The following THSD7A variants were observed in gnomAD, a reference collection of about 807,000 sequenced individuals.
THSD7A encodes thrombospondin type 1 domain containing 7A, also known as thrombospondin type-1 domain-containing protein 7A.
A neutral mutation model predicts 231.3 loss-of-function variants in THSD7A; 96 were observed. The ratio of observed to expected loss-of-function variants is 0.41; its 90% CI spans 0.35 to 0.49. The LOEUF (loss-of-function observed/expected upper bound fraction) is 0.49, where lower values mean the gene tolerates loss of function less well. Among genes scored for constraint, THSD7A ranks in the 20% least tolerant of loss-of-function variants. The probability of loss-of-function intolerance (pLI) is 0.05; values close to 1 mark genes in which losing one functional copy is unlikely to be tolerated. For missense variants in THSD7A, 2,290 were observed against 2,070.2 expected, an observed-to-expected ratio of 1.11 and a Z score of -2.06; for synonymous variants, 940 against 743.3, an observed-to-expected ratio of 1.26 and a Z score of -4.30.
chr7:11,571,929 T>G (rs535206565), intron 4 of THSD7A, among the ~76,000 whole-genome samples: 5 of 152,186 alleles, frequency 3.3e-5, no homozygotes, highest in African/African-American at 1.2e-4. Context: ...TTGTGGATCT[T>G]TAAGTTGATG....
chr7:11,666,718 A>C (rs914481871), intron 1 of THSD7A, among the ~76,000 whole-genome samples: 6 of 150,972 alleles, frequency 4.0e-5, no homozygotes, highest in Admixed American at 3.3e-4. Context: ...ATATAGTATA[A>C]ATTTTATTTA....
chr7:11,769,133 A>T (rs1562541155), intron 1 of THSD7A, among the ~76,000 whole-genome samples: 1 of 35,744 alleles, frequency 2.8e-5, no homozygotes, highest in Non-Finnish European at 6.2e-5. Flanking sequence ...ATATATATAT[A>T]TATATATATA....
intron 1 of THSD7A, among the ~76,000 whole-genome samples, chr7:11,819,047 C>G (rs1784793007): frequency 6.6e-6 from 1 of 152,020 alleles, no homozygotes; most frequent in Non-Finnish European, 1.5e-5. Context: ...AGATCTATCA[C>G]CAAAGAATAT....
At chr7:11,609,279 T>C (rs367880331) in intron 2 of THSD7A, among the ~76,000 whole-genome samples, 1 of 152,198 alleles carries the variant, frequency 6.6e-6, no homozygotes. Context: ...TCTTTACAGC[T>C]CCTGGATCCC....
At chr7:11,806,976 A>G (rs2128183123) in intron 1 of THSD7A, among the ~76,000 whole-genome samples, 1 of 152,144 alleles carries the variant, frequency 6.6e-6, no homozygotes, top group South Asian at 2.1e-4. Context: ...GTAGACTGAA[A>G]TCAATCTCTC....
chr7:11,520,312 A>C (rs1788209348), intron 6 of THSD7A: 1 of 152,166 alleles, frequency 6.6e-6, no homozygotes, highest in Non-Finnish European at 1.5e-5. Flanking sequence ...AATCCTTTGG[A>C]GGGCTGTTAC....
intron 1 of THSD7A, among the ~76,000 whole-genome samples, chr7:11,666,976 C>G (rs2128375981): frequency 6.6e-6 from 1 of 152,092 alleles, no homozygotes; most frequent in South Asian, 2.1e-4. Flanking sequence ...GAATAGCACT[C>G]TTTAGTTTTT....
chr7:11,466,105 T>C (rs1280085505), intron 9 of THSD7A, among the ~76,000 whole-genome samples: 1 of 152,158 alleles, frequency 6.6e-6, no homozygotes, highest in South Asian at 2.1e-4. Context: ...TGCAATAGTA[T>C]TGTGTATTTG....
chr7:11,706,188 C>T (rs1292736208), intron 1 of THSD7A, among the ~76,000 whole-genome samples: 1 of 150,946 alleles, frequency 6.6e-6, no homozygotes, highest in African/African-American at 2.4e-5. Context: ...TGTGCTGCTA[C>T]AAAGGCACCA....
At chr7:11,750,122 T>C (rs1452910821) in intron 1 of THSD7A, among the ~76,000 whole-genome samples, 1 of 151,864 alleles carries the variant, frequency 6.6e-6, no homozygotes, top group Non-Finnish European at 1.5e-5. Context: ...CACAATTCTG[T>C]ATGCCATTTT....
chr7:11,391,487 G>A (rs554237958), intron 23 of THSD7A, among the ~76,000 whole-genome samples: 12 of 151,892 alleles, frequency 7.9e-5, no homozygotes, highest in African/African-American at 2.9e-4. Context: ...CTGCTGTGCT[G>A]GCAGCGAGAA....
At chr7:11,643,337 A>G (rs1002719182) in intron 1 of THSD7A, among the ~76,000 whole-genome samples, 5 of 152,076 alleles carry the variant, frequency 3.3e-5, no homozygotes, top group African/African-American at 9.7e-5. Flanking sequence ...CAAAATTTCT[A>G]TTTGTTTTTA....
At chr7:11,600,609 C>G (rs1421819516) in intron 2 of THSD7A, among the ~76,000 whole-genome samples, 3 of 152,092 alleles carry the variant, frequency 2.0e-5, no homozygotes, top group South Asian at 2.1e-4. Context: ...TGTAGTTTAA[C>G]TCTTGCGCAT....
intron 1 of THSD7A, among the ~76,000 whole-genome samples, chr7:11,713,163 G>GC (rs1344178079): frequency 1.3e-5 from 2 of 151,180 alleles, no homozygotes; most frequent in African/African-American, 4.8e-5. Flanking sequence ...GCACATTGCT[G>GC]CCAAACCAGT....
At chr7:11,702,791 G>C (rs145446106) in intron 1 of THSD7A, among the ~76,000 whole-genome samples, 65 of 151,218 alleles carry the variant, frequency 4.3e-4, no homozygotes, top group African/African-American at 1.0e-3. Flanking sequence ...TCAAAGTATT[G>C]TATGTATTTA....
At chr7:11,820,264 C>T in intron 1 of THSD7A, 1 of 425,874 alleles carries the variant, frequency 2.3e-6, no homozygotes, top group African/African-American at 2.1e-5. Context: ...CCTCGCCAGC[C>T]ATCTTTCCAG....
At chr7:11,402,004 CA>C in intron 22 of THSD7A, 36 bp from the exon 23 acceptor site, 4 of 1,584,268 alleles carry the variant, frequency 2.5e-6, no homozygotes, top group Non-Finnish European at 3.4e-6. Context: ...CACCCATATC[CA>C]CAGAGAAAAG....
intron 1 of THSD7A, among the ~76,000 whole-genome samples, chr7:11,649,382 C>A (rs1782407858): frequency 6.6e-6 from 1 of 152,060 alleles, no homozygotes; most frequent in South Asian, 2.1e-4. Flanking sequence ...TGCAAAGCAA[C>A]TATGGGATAA....
At chr7:11,438,873 C>T (rs1262778736) in intron 13 of THSD7A, among the ~76,000 whole-genome samples, 1 of 151,934 alleles carries the variant, frequency 6.6e-6, no homozygotes. Flanking sequence ...AAACCTAGAA[C>T]CCTCTTATTT....
Sources: allele counts gnomAD v4.1 joint callset (sites outside exome capture counted in the v4.1 genomes callset), GRCh38; gene constraint gnomAD v4.1.1; transcripts MANE v1.5; gene names NCBI Gene and HGNC (gene_info 2026-07-23, HGNC 2026-07-21).